The following KIAA1328 variants were observed in gnomAD, a reference collection of about 807,000 sequenced individuals.
The protein encoded by KIAA1328 is protein hinderin.
Under a neutral mutation model 68.1 loss-of-function variants are expected in KIAA1328, and 52 were observed. The observed-to-expected ratio is 0.76, with a 90% CI of 0.61 to 0.96. The LOEUF is 0.96. Ranked by LOEUF, KIAA1328 falls within the 40% of genes least tolerant of loss-of-function variation. The probability of loss-of-function intolerance (pLI) is 0.00; values close to 1 mark genes in which losing one functional copy is unlikely to be tolerated. For missense variants in KIAA1328, 641 were observed against 677.6 expected (o/e 0.95, Z 0.60); for synonymous variants, 232 against 239.4 (o/e 0.97, Z 0.28).
intron 6 of KIAA1328, among the ~76,000 whole-genome samples, chr18:37,041,531 A>C (rs987873923): frequency 5.3e-5 from 8 of 151,722 alleles, no homozygotes; most frequent in African/African-American, 1.9e-4. Context: ...ATTTGCATTT[A>C]ATGTAATTGT....
chr18:36,961,224 A>G (rs955658799), intron 6 of KIAA1328, among the ~76,000 whole-genome samples: 1 of 152,238 alleles, frequency 6.6e-6, no homozygotes, highest in Non-Finnish European at 1.5e-5. Context: ...CAGTGATTGA[A>G]GATCAACTTA....
chr18:36,914,307 C>A (rs1457203782), intron 5 of KIAA1328, among the ~76,000 whole-genome samples: 1 of 152,064 alleles, frequency 6.6e-6, no homozygotes, highest in Non-Finnish European at 1.5e-5. Context: ...AAATCTTGGA[C>A]CTGGTGGGAG....
Position 37,002,621 on chromosome 18 carries a change from G to A in KIAA1328, c.576+43186G>A, listed in dbSNP as rs187485720. ...ATAGCTCCAAAAAATATATACCTAG[G>A]AATAAATTTAGCCTAGGATGTGAAA... is the stretch of plus-strand genomic sequence containing the variant. On this transcript the variant is annotated intron_variant, in intron 6 of 9. Coordinates refer to ENST00000280020, the MANE Select transcript of KIAA1328 (RefSeq NM_020776.3). Among the ~76,000 whole-genome samples, 434 of 151,874 alleles carry A rather than the reference G, an allele frequency of 2.9e-3. 1 individual carries two copies. Among genetic ancestry groups the A allele is most frequent in the Non-Finnish European group, 4.2e-3 (283 of 67,928 alleles).
At chr18:37,199,594 C>G (rs1042267249) in intron 9 of KIAA1328, among the ~76,000 whole-genome samples, 1 of 152,078 alleles carries the variant, frequency 6.6e-6, no homozygotes, top group Non-Finnish European at 1.5e-5. Flanking sequence ...GATTTATATT[C>G]TTTTGGGTAT....
chr18:37,223,766 C>A lies in KIAA1328; in HGVS notation c.*1539C>A. ...CCTCCTTATCCAGATAGATCCAAAG[C>A]TCATGTCTCTTCAGGCTGAGACTGG... On this transcript the variant is annotated 3_prime_UTR_variant, in exon 10 of 10. Transcript: ENST00000280020. 4 of 985,406 alleles carry A rather than the reference C, an allele frequency of 4.1e-6. No individual in the cohort carries two copies. Among genetic ancestry groups the A allele is most frequent in the Non-Finnish European group, 2.4e-6 (2 of 829,930 alleles). The allele number at this position is 985,406 out of a possible 1,614,324, so 61.0% of individuals were successfully genotyped here.
At chr18:36,936,221 G>A (rs912212612) in intron 5 of KIAA1328, among the ~76,000 whole-genome samples, 6 of 151,674 alleles carry the variant, frequency 4.0e-5, no homozygotes, top group Non-Finnish European at 7.4e-5. Context: ...ATAAGTATAC[G>A]TGTGACATGG....
intron 5 of KIAA1328, chr18:36,946,133 T>C (rs933168862): frequency 6.6e-6 from 1 of 152,200 alleles, no homozygotes; most frequent in Non-Finnish European, 1.5e-5. Flanking sequence ...TTAGCCAAAA[T>C]AGAAATGTTA....
intron 7 of KIAA1328, among the ~76,000 whole-genome samples, chr18:37,091,045 C>G (rs1242153786): frequency 6.6e-6 from 1 of 152,136 alleles, no homozygotes; most frequent in Non-Finnish European, 1.5e-5. Context: ...ATAAGATAAA[C>G]TACCTTAAAT....
intron 4 of KIAA1328, among the ~76,000 whole-genome samples, chr18:36,883,833 A>G (rs2048399069): frequency 6.6e-6 from 1 of 151,912 alleles, no homozygotes; most frequent in Non-Finnish European, 1.5e-5. Flanking sequence ...TAATCTACTT[A>G]TTACTCTGTC....
intron 6 of KIAA1328, among the ~76,000 whole-genome samples, chr18:37,008,704 C>G (rs1427454011): frequency 1.3e-5 from 2 of 151,980 alleles, no homozygotes; most frequent in Non-Finnish European, 2.9e-5. Context: ...GAAATAGAGA[C>G]TATAAAAAAG....
intron 4 of KIAA1328, among the ~76,000 whole-genome samples, chr18:36,881,544 A>G (rs1323449258): frequency 6.6e-6 from 1 of 152,134 alleles, no homozygotes; most frequent in Non-Finnish European, 1.5e-5. Flanking sequence ...CATCACCCCA[A>G]TCAGTTTTAG....
At chr18:37,094,877 T>A (rs2057361077) in intron 7 of KIAA1328, among the ~76,000 whole-genome samples, 1 of 151,718 alleles carries the variant, frequency 6.6e-6, no homozygotes, top group Non-Finnish European at 1.5e-5. Flanking sequence ...GGGATGGAAA[T>A]ACATATTTCA....
chr18:36,834,856 T>C (rs2046619362), intron 2 of KIAA1328, among the ~76,000 whole-genome samples: 3 of 152,126 alleles, frequency 2.0e-5, no homozygotes, highest in Admixed American at 2.0e-4. Flanking sequence ...CTTATGAATA[T>C]TTACAGTACC....
chr18:37,020,924 A>C (rs1255670632), intron 6 of KIAA1328, among the ~76,000 whole-genome samples: 1 of 152,198 alleles, frequency 6.6e-6, no homozygotes, highest in Non-Finnish European at 1.5e-5. Flanking sequence ...CCCCCACAGA[A>C]TAAAAATTCA....
intron 7 of KIAA1328, among the ~76,000 whole-genome samples, chr18:37,068,277 T>C (rs1228417523): frequency 3.9e-5 from 6 of 152,192 alleles, no homozygotes. Context: ...CCCACCATAA[T>C]ATAAAATATA....
chr18:36,935,752 T>C (rs568435000), intron 5 of KIAA1328, among the ~76,000 whole-genome samples: 1 of 152,266 alleles, frequency 6.6e-6, no homozygotes, highest in South Asian at 2.1e-4. Flanking sequence ...GTTAAGTATA[T>C]ACTGTGTGTG....
At chr18:37,048,246 T>A (rs1226236148) in intron 6 of KIAA1328, among the ~76,000 whole-genome samples, 1 of 152,236 alleles carries the variant, frequency 6.6e-6, no homozygotes, top group Non-Finnish European at 1.5e-5. Flanking sequence ...ATAACGACAT[T>A]AACTGAAAAA....
At chr18:37,102,742 G>C (rs982098786) in intron 7 of KIAA1328, among the ~76,000 whole-genome samples, 9 of 152,074 alleles carry the variant, frequency 5.9e-5, no homozygotes, top group Non-Finnish European at 1.2e-4. Flanking sequence ...AATCAAGCAA[G>C]AGAAAGAAAG....
chr18:37,149,451 C>T (rs1276625710), intron 7 of KIAA1328, among the ~76,000 whole-genome samples: 2 of 152,020 alleles, frequency 1.3e-5, no homozygotes, highest in African/African-American at 4.8e-5. Context: ...TATAAAAACC[C>T]TAGAAGAAAA....
Sources: gnomAD v4.1 joint callset for allele counts (sites outside exome capture counted in the v4.1 genomes callset) on GRCh38, gnomAD v4.1.1 for gene constraint, MANE v1.5 for transcripts, NCBI Gene and HGNC (gene_info 2026-07-23, HGNC 2026-07-21) for gene names.